The following TMEM131 variants were observed in gnomAD, a reference collection of about 807,000 sequenced individuals.
The protein encoded by TMEM131 is 2610524E03Rik.
Under a neutral mutation model 211.6 loss-of-function variants are expected in TMEM131, and 66 were observed. That is an observed-to-expected ratio of 0.31 (90% confidence interval 0.26 to 0.38). TMEM131 has a LOEUF of 0.38. Ranked by LOEUF, TMEM131 falls within the 10% of genes least tolerant of loss-of-function variation. The pLI, the probability that TMEM131 is intolerant of heterozygous loss-of-function variation, is 1.00. For synonymous variants in TMEM131, 844 were observed against 841.3 expected (o/e 1.00, Z -0.06); for missense variants, 2,036 against 2,299.3 (o/e 0.89, Z 2.34).
chr2:97,848,425 T>C (rs1357048186), intron 5 of TMEM131, among the ~76,000 whole-genome samples: 10 of 152,244 alleles, frequency 6.6e-5, no homozygotes, highest in Admixed American at 5.9e-4. Flanking sequence ...CTGAAGTCTC[T>C]GCTAAAAAAC....
chr2:97,865,891 G>C (rs528024305), intron 4 of TMEM131, among the ~76,000 whole-genome samples: 58 of 152,144 alleles, frequency 3.8e-4, no homozygotes, highest in African/African-American at 1.3e-3. Flanking sequence ...TTTTTGTTTT[G>C]TTTTGTTTTG....
intron 31 of TMEM131, among the ~76,000 whole-genome samples, chr2:97,776,380 G>T (rs1679731278): frequency 6.6e-6 from 1 of 152,152 alleles, no homozygotes; most frequent in Non-Finnish European, 1.5e-5. Context: ...TAAATAGCTA[G>T]CTTGGAAAAC....
At chr2:97,983,345 T>C (rs1392377086) in intron 1 of TMEM131, among the ~76,000 whole-genome samples, 1 of 152,124 alleles carries the variant, frequency 6.6e-6, no homozygotes, top group East Asian at 1.9e-4. Flanking sequence ...ATGAGACATG[T>C]CCGACCCCCT....
intron 33 of TMEM131, among the ~76,000 whole-genome samples, chr2:97,770,664 A>C (rs1047676126): frequency 6.6e-6 from 1 of 152,198 alleles, no homozygotes; most frequent in Non-Finnish European, 1.5e-5. Context: ...AAGTCAGTGG[A>C]ACAGGGATGG....
chr2:97,891,004 C>T (rs982310425), intron 3 of TMEM131, among the ~76,000 whole-genome samples: 11 of 152,080 alleles, frequency 7.2e-5, no homozygotes, highest in African/African-American at 2.4e-4. Flanking sequence ...GTTTAATATC[C>T]GAGTGAGTAC....
Position 97,757,181 on chromosome 2 carries a change from T to C in TMEM131, c.5570A>G (p.Asn1857Ser), listed in dbSNP as rs1678535523. 2 of 1,613,584 alleles carry C rather than the reference T, an allele frequency of 1.2e-6. No individual in the cohort carries two copies. Among genetic ancestry groups the C allele is most frequent in the Non-Finnish European group, 8.5e-7 (1 of 1,179,840 alleles). ...SPADDLGQTY[N>S]PWRIWSPTIG... ...CGTGGGGCTCCATATCCGCCACGGG[T>C]TGTAGGTCTGTCCCAAGTCGTCAGC... is the stretch of plus-strand genomic sequence containing the variant. The change falls in exon 41 of 41, where the codon AAC becomes AGC. Residue 1857 changes from asparagine (N) to serine (S), a missense_variant. By Grantham distance (46) the Asn-to-Ser change is conservative (BLOSUM62 1). Coordinates refer to ENST00000186436, the MANE Select transcript of TMEM131 (RefSeq NM_015348.2).
intron 1 of TMEM131, among the ~76,000 whole-genome samples, chr2:97,985,401 A>G (rs1472730483): frequency 6.6e-6 from 1 of 152,034 alleles, no homozygotes; most frequent in Non-Finnish European, 1.5e-5. Flanking sequence ...GAGAAAGACA[A>G]ACAAAATGGA....
chr2:97,798,871 A>G (rs1466088898), intron 25 of TMEM131, among the ~76,000 whole-genome samples: 2 of 152,176 alleles, frequency 1.3e-5, no homozygotes, highest in Non-Finnish European at 2.9e-5. Flanking sequence ...TAAATCAACT[A>G]CTCTGATTAA....
chr2:97,806,291 C>T (rs2104942307), intron 19 of TMEM131, among the ~76,000 whole-genome samples: 1 of 152,316 alleles, frequency 6.6e-6, no homozygotes, highest in East Asian at 1.9e-4. Flanking sequence ...AATCCCAGCA[C>T]TTTGGGAGGC....
intron 12 of TMEM131, 45 bp from the exon 13 acceptor site, chr2:97,815,352 A>G (rs1681771643): frequency 4.0e-6 from 5 of 1,236,120 alleles, no homozygotes; most frequent in Non-Finnish European, 5.6e-6. Context: ...TTTTACTACC[A>G]AAGAGAATTA....
At chr2:97,931,765 C>T (rs1677228841) in intron 1 of TMEM131, among the ~76,000 whole-genome samples, 1 of 152,116 alleles carries the variant, frequency 6.6e-6, no homozygotes, top group South Asian at 2.1e-4. Context: ...GAAGAAAGGG[C>T]CACACAGGCA....
chr2:97,978,567 TAG>T (rs1362069516), intron 1 of TMEM131, among the ~76,000 whole-genome samples: 1 of 152,144 alleles, frequency 6.6e-6, no homozygotes, highest in Non-Finnish European at 1.5e-5. Flanking sequence ...GTAGTTTTTG[TAG>T]AGACAGGGTT....
chr2:97,802,559 T>C (rs1230663818), intron 23 of TMEM131, 22 bp from the exon 24 acceptor site: 2 of 1,601,536 alleles, frequency 1.2e-6, no homozygotes, highest in East Asian at 2.2e-5. Flanking sequence ...TAATGAAACA[T>C]TAAATGAAAG....
At chr2:97,960,039 CA>C (rs964282812) in intron 1 of TMEM131, among the ~76,000 whole-genome samples, 1 of 152,162 alleles carries the variant, frequency 6.6e-6, no homozygotes, top group African/African-American at 2.4e-5. Context: ...GCAACCCTAA[CA>C]AGAGACTGAT....
chr2:97,970,063 C>T (rs191618703), intron 1 of TMEM131, among the ~76,000 whole-genome samples: 1 of 152,278 alleles, frequency 6.6e-6, no homozygotes, highest in East Asian at 1.9e-4. Flanking sequence ...TTTCCAGAAA[C>T]GTGCTATTGT....
rs1204393652 is a variant in TMEM131, at chr2:97,796,227, A to G, written c.3191T>C (p.Ile1064Thr). 3 of 1,533,584 alleles carry G rather than the reference A, an allele frequency of 2.0e-6. No individual in the cohort carries two copies. The highest frequency in any genetic ancestry group is 2.6e-6 in the Non-Finnish European group (3 of 1,132,814). The allele number at this position is 1,533,584 out of a possible 1,614,324, so 95.0% of individuals were successfully genotyped here. ...FTLSANASRD[I>T]IILFTPDFTA... The stretch of plus-strand genomic sequence containing the variant: ...AAAATAAAATACTTACAATATGATT[A>G]TATCTCTAGAAGCATTGGCACTTAG... The change falls in exon 28 of 41, where the codon ATA becomes ACA. Residue 1064 changes from isoleucine to threonine, a missense_variant. Coordinates refer to ENST00000186436, the MANE Select transcript of TMEM131 (RefSeq NM_015348.2).
chr2:97,922,906 G>GA (rs955994253), intron 2 of TMEM131, among the ~76,000 whole-genome samples: 4 of 151,784 alleles, frequency 2.6e-5, no homozygotes, highest in African/African-American at 7.3e-5. Flanking sequence ...ACACTTTAAA[G>GA]AAAAAAAATA....
rs1282825155 is a variant in TMEM131 at position 97,927,455 on chromosome 2, G to C, written c.220C>G (p.Leu74Val). ...FVQSESIIEVLRFDDGGLLQT... is the reference protein window; with the variant it reads ...FVQSESIIEVVRFDDGGLLQT... ...AGTAGCCCTCCATCATCAAAACGCA[G>C]TACTTCTATTATGCTCTCTGACTGA... Residue 74 changes from leucine (L) to valine (V), a missense_variant, in exon 2 of 41, where the codon CTG (leucine) becomes GTG (valine). Leu to Val is a conservative substitution (Grantham distance 32). Transcript: ENST00000186436. 6.3e-7 allele frequency: 1 copy of C among 1,592,924 alleles called. No individual in the cohort carries two copies. Among genetic ancestry groups the C allele is most frequent in the Non-Finnish European group, 8.5e-7 (1 of 1,170,146 alleles).
chr2:97,979,573 C>T lies in TMEM131; in HGVS notation c.187+15903G>A, dbSNP rs900295442. ...TCTTCTTTCCTTAAGCCTCATGAACCAACCTCTCCTGGCTGCCAACTGTTC... is the reference window on the plus strand; with the variant it reads ...TCTTCTTTCCTTAAGCCTCATGAACTAACCTCTCCTGGCTGCCAACTGTTC... On this transcript the variant is annotated intron_variant, in intron 1 of 40. Coordinates refer to ENST00000186436, the MANE Select transcript of TMEM131 (RefSeq NM_015348.2). Among the ~76,000 whole-genome samples, 3 of 152,322 alleles carry T rather than the reference C, an allele frequency of 2.0e-5. No homozygotes were observed. The East Asian group carries it at 5.8e-4, about 29-fold the overall frequency.
Sources: gnomAD v4.1 joint callset for allele counts (sites outside exome capture counted in the v4.1 genomes callset) on GRCh38, gnomAD v4.1.1 for gene constraint, MANE v1.5 for transcripts, NCBI Gene and HGNC (gene_info 2026-07-23, HGNC 2026-07-21) for gene names.